The following CLSTN2 variants were observed in gnomAD, a reference collection of about 807,000 sequenced individuals.
CLSTN2 encodes the protein calsyntenin 2, also known as calsyntenin-2.
Under a neutral mutation model 101.2 loss-of-function variants are expected in CLSTN2, and 48 were observed. The observed-to-expected ratio is 0.47, with a 90% CI of 0.38 to 0.60. The LOEUF is 0.60. Among genes scored for constraint, CLSTN2 ranks in the 20% least tolerant of loss-of-function variants. CLSTN2 has a pLI of 0.00. For synonymous variants in CLSTN2, 481 were observed against 463.6 expected (o/e 1.04, Z -0.48); for missense variants, 1,160 against 1,238.2 (o/e 0.94, Z 0.95).
intron 1 of CLSTN2, among the ~76,000 whole-genome samples, chr3:140,174,592 G>A (rs2010292087): frequency 6.6e-6 from 1 of 152,146 alleles, no homozygotes; most frequent in Admixed American, 6.5e-5. Context: ...ATTTACAAAA[G>A]AAAGAGGTTT....
chr3:140,073,198 G>A (rs944465225), intron 1 of CLSTN2, among the ~76,000 whole-genome samples: 1 of 152,168 alleles, frequency 6.6e-6, no homozygotes, highest in Non-Finnish European at 1.5e-5. Flanking sequence ...ACAAGTCTGA[G>A]TTCCTGACTA....
intron 2 of CLSTN2, among the ~76,000 whole-genome samples, chr3:140,276,888 T>C (rs372911371): frequency 5.3e-5 from 8 of 152,294 alleles, no homozygotes; most frequent in Middle Eastern, 3.4e-3. Context: ...CAAGCTATTA[T>C]GGCACTTAAG....
At chr3:140,424,404 C>A (rs2088540018) in intron 5 of CLSTN2, among the ~76,000 whole-genome samples, 1 of 152,196 alleles carries the variant, frequency 6.6e-6, no homozygotes, top group Admixed American at 6.5e-5. Context: ...CTCCTCCTCC[C>A]AGCCTACTGA....
At chr3:140,001,857 A>C (rs945643454) in intron 1 of CLSTN2, among the ~76,000 whole-genome samples, 5 of 152,136 alleles carry the variant, frequency 3.3e-5, no homozygotes, top group Admixed American at 3.3e-4. Flanking sequence ...CCCATAAATA[A>C]GTGGGAACGT....
intron 2 of CLSTN2, among the ~76,000 whole-genome samples, chr3:140,280,656 C>T (rs2086837059): frequency 6.6e-6 from 1 of 152,182 alleles, no homozygotes; most frequent in African/African-American, 2.4e-5. Flanking sequence ...AGAACTAGAG[C>T]TTCTTACAGT....
chr3:140,560,351 A>G (rs931655437), intron 12 of CLSTN2, among the ~76,000 whole-genome samples: 2 of 152,120 alleles, frequency 1.3e-5, no homozygotes, highest in Non-Finnish European at 2.9e-5. Flanking sequence ...CCCAACATGC[A>G]CACACACACG....
intron 1 of CLSTN2, among the ~76,000 whole-genome samples, chr3:139,959,997 A>G (rs1020042662): frequency 6.6e-6 from 1 of 152,282 alleles, no homozygotes; most frequent in East Asian, 1.9e-4. Flanking sequence ...CCAGACTAGA[A>G]ACATCATGGG....
intron 1 of CLSTN2, among the ~76,000 whole-genome samples, chr3:140,147,980 G>A (rs1323229846): frequency 1.3e-5 from 2 of 152,192 alleles, no homozygotes; most frequent in Non-Finnish European, 2.9e-5. Flanking sequence ...AAACCAGGGG[G>A]GATGCGGATG....
chr3:140,223,546 C>T (rs1230790159), intron 2 of CLSTN2, among the ~76,000 whole-genome samples: 3 of 152,068 alleles, frequency 2.0e-5, no homozygotes, highest in Non-Finnish European at 2.9e-5. Context: ...CTTTTTTGCA[C>T]CCGGCTTTTT....
intron 1 of CLSTN2, among the ~76,000 whole-genome samples, chr3:140,125,620 G>A (rs1017198301): frequency 6.6e-6 from 1 of 152,088 alleles, no homozygotes; most frequent in Non-Finnish European, 1.5e-5. Flanking sequence ...CTAATCACAT[G>A]GGGAGTGAGA....
chr3:139,962,490 A>G (rs887470381), intron 1 of CLSTN2, among the ~76,000 whole-genome samples: 6 of 152,156 alleles, frequency 3.9e-5, no homozygotes, highest in South Asian at 2.1e-4. Flanking sequence ...GCTCTCTGTC[A>G]CTATAGATAA....
At chr3:140,328,504 A>G (rs1035696764) in intron 2 of CLSTN2, among the ~76,000 whole-genome samples, 1 of 152,172 alleles carries the variant, frequency 6.6e-6, no homozygotes, top group Non-Finnish European at 1.5e-5. Flanking sequence ...GAGTTTTCCT[A>G]AGCTAGAAGC....
intron 5 of CLSTN2, among the ~76,000 whole-genome samples, chr3:140,445,120 C>T (rs1933044899): frequency 6.6e-6 from 1 of 152,178 alleles, no homozygotes; most frequent in Admixed American, 6.5e-5. Flanking sequence ...AAGCAACTGG[C>T]AATTGTGATG....
At chr3:140,042,133 A>T (rs895716923) in intron 1 of CLSTN2, among the ~76,000 whole-genome samples, 5 of 151,976 alleles carry the variant, frequency 3.3e-5, no homozygotes, top group African/African-American at 1.2e-4. Context: ...CATCAATGAA[A>T]CTCCAAACAC....
intron 2 of CLSTN2, among the ~76,000 whole-genome samples, chr3:140,280,139 G>C (rs899529318): frequency 2.6e-5 from 4 of 152,318 alleles, no homozygotes; most frequent in African/African-American, 7.2e-5. Flanking sequence ...TGAAATAAAG[G>C]GAGTTTTAGG....
chr3:140,019,126 C>A (rs2007257575), intron 1 of CLSTN2, among the ~76,000 whole-genome samples: 2 of 152,138 alleles, frequency 1.3e-5, no homozygotes, highest in Admixed American at 1.3e-4. Context: ...CCTTGCTCCC[C>A]AAAGCCCCAA....
chr3:139,970,859 T>G (rs1359142727), intron 1 of CLSTN2, among the ~76,000 whole-genome samples: 1 of 152,158 alleles, frequency 6.6e-6, no homozygotes, highest in Non-Finnish European at 1.5e-5. Context: ...AATGATGGGA[T>G]TCAGCTAAAG....
At chr3:139,978,108 C>T (rs1303101354) in intron 1 of CLSTN2, among the ~76,000 whole-genome samples, 1 of 152,130 alleles carries the variant, frequency 6.6e-6, no homozygotes, top group African/African-American at 2.4e-5. Flanking sequence ...ACAAAAGAGA[C>T]ATTTTACCTT....
At chr3:140,311,787 T>C (rs935482993) in intron 2 of CLSTN2, among the ~76,000 whole-genome samples, 1 of 152,100 alleles carries the variant, frequency 6.6e-6, no homozygotes, top group African/African-American at 2.4e-5. Flanking sequence ...CCACAGTAAG[T>C]GTGGCCAGGA....
Sources: gnomAD v4.1 joint callset for allele counts (sites outside exome capture counted in the v4.1 genomes callset) on GRCh38, gnomAD v4.1.1 for gene constraint, MANE v1.5 for transcripts, NCBI Gene and HGNC (gene_info 2026-07-23, HGNC 2026-07-21) for gene names.